Variants in PLCG1 observed in about 807,000 individuals in gnomAD.
PLCG1 encodes the protein 1-phosphatidylinositol 4,5-bisphosphate phosphodiesterase gamma-1.
PLCG1 carries 71 observed loss-of-function variants against 177.8 expected under a neutral mutation model. The ratio of observed to expected loss-of-function variants is 0.40; its 90% confidence interval spans 0.33 to 0.49. PLCG1 has a LOEUF of 0.49. Among genes scored for constraint, PLCG1 ranks in the 20% least tolerant of loss-of-function variants. The probability of loss-of-function intolerance (pLI) is 0.72; values close to 1 mark genes in which losing one functional copy is unlikely to be tolerated. For missense variants in PLCG1, 1,281 were observed against 1,709.0 expected (o/e 0.75, Z 4.42); for synonymous variants, 658 against 647.9 (o/e 1.02, Z -0.24).
rs1232753280 is a variant in PLCG1 at position 41,146,250 on chromosome 20, G to A, written c.217+8392G>A. Among the ~76,000 whole-genome samples, 1 of 152,232 alleles carries A rather than the reference G, an allele frequency of 6.6e-6. No homozygotes were observed. Among genetic ancestry groups the A allele is most frequent in the Non-Finnish European group, 1.5e-5 (1 of 68,040 alleles). On this transcript the variant is annotated intron_variant, in intron 1 of 31. Coordinates refer to ENST00000685551, the MANE Select transcript of PLCG1 (RefSeq NM_002660.3). The surrounding 1 kb of genome is among the most constrained non-coding windows in gnomAD (Gnocchi z 6.3). ...AAGAAAACGAGGTGACCCAGTCCTT[G>A]ATCCTGAGAAGCTTGTGATCTGGAC...
At chr20:41,140,739 G>A (rs1181539714) in intron 1 of PLCG1, among the ~76,000 whole-genome samples, 1 of 152,200 alleles carries the variant, frequency 6.6e-6, no homozygotes, top group Non-Finnish European at 1.5e-5. Flanking sequence ...AACCAGGTTG[G>A]TGTTTGGCCT....
Position 41,165,587 on chromosome 20 carries a change from G to A in PLCG1, c.1611+36G>A. ...AGCTCAGGTCTGGGGGCTGGGCCAG[G>A]TCAGGCCTGGGCCAGGGTCACAGTA... On this transcript the variant is annotated intron_variant, in intron 15 of 31. Coordinates refer to ENST00000685551, the MANE Select transcript of PLCG1 (RefSeq NM_002660.3). This position sits in a 1 kb window ranked among gnomAD's most constrained non-coding sequence, Gnocchi z 6.6. 6.2e-7 allele frequency: 1 copy of A among 1,612,766 alleles called. No homozygotes were observed. The highest frequency in any genetic ancestry group is 1.1e-5 in the South Asian group (1 of 91,038).
In PLCG1 at chr20:41,176,748, G is replaced by T. The variant is rs1179996639; in HGVS notation, c.*2239G>T. On this transcript the variant is annotated 3_prime_UTR_variant, in exon 32 of 32. Transcript: ENST00000685551. ...GTGCCAACTCTCAAGCAAATTTAAA[G>T]ATCATTTTCACTTCAAGATTCCTCC... 1 of 152,220 alleles carries T rather than the reference G, an allele frequency of 6.6e-6. No homozygotes were observed. Among genetic ancestry groups the T allele is most frequent in the Non-Finnish European group, 1.5e-5 (1 of 68,042 alleles). 9.4% of individuals were successfully genotyped at this position (152,220 alleles called of 1,614,324 possible). A position where few individuals can be genotyped will look rare whatever the true frequency, so the allele number is the denominator to read the frequency against.
Position 41,174,260 on chromosome 20 carries a change from T to C in PLCG1, c.3782T>C (p.Phe1261Ser). Residue 1261 changes from phenylalanine to serine, a missense_variant, in exon 31 of 32, where the codon TTC becomes TCC. Transcript: ENST00000685551. This position sits in a 1 kb window ranked among gnomAD's most constrained non-coding sequence, Gnocchi z 5.8. The part of the protein sequence containing the change: ...ESRYQQPFED[F>S]RISQEHLADH... ...CGCTACCAGCAGCCGTTTGAGGACT[T>C]CCGCATCTCCCAGGAGCATCTCGCA... 6.2e-7 allele frequency: 1 copy of C among 1,614,214 alleles called. No homozygotes were observed.
rs146067255 is a variant in PLCG1, at chr20:41,166,377, C to T, written c.1983C>T (p.Asn661=). ...MRLSEPVPQT[N]AHESKEWYHA... ...TTTCAGAGCCTGTCCCACAGACCAA[C>T]GCCCACGAGAGCAAAGAGTGAGGGA... The change falls in exon 17 of 32, where the codon AAC becomes AAT. Residue 661 remains asparagine, a synonymous_variant. Coordinates refer to ENST00000685551, the MANE Select transcript of PLCG1 (RefSeq NM_002660.3). The surrounding 1 kb of genome is among the most constrained non-coding windows in gnomAD (Gnocchi z 8.6). 2.3e-5 allele frequency: 37 copies of T among 1,614,106 alleles called. No individual in the cohort carries two copies. In the East Asian group the frequency reaches 5.6e-4, roughly 24 times the overall value.
chr20:41,162,288 A>C (rs527348526), intron 4 of PLCG1, 164 bp from the exon 5 acceptor site: 1 of 291,180 alleles, frequency 3.4e-6, no homozygotes, highest in Non-Finnish European at 6.1e-6. Context: ...CAAAGAAAGG[A>C]AGGGACTAAC....
Position 41,176,111 on chromosome 20 carries a change from T to C in PLCG1, c.*1602T>C, listed in dbSNP as rs2036058689. On this transcript the variant is annotated 3_prime_UTR_variant, in exon 32 of 32. Transcript: ENST00000685551. Reference sequence around the variant, plus strand: ...CCTCTAGGACTTGGCAGCTGAAATCTCTGGGCCCTTTCAACACAGTTGAAA... The same window carrying C: ...CCTCTAGGACTTGGCAGCTGAAATCCCTGGGCCCTTTCAACACAGTTGAAA... 1 of 152,186 alleles carries C rather than the reference T, an allele frequency of 6.6e-6. No individual in the cohort carries two copies. The allele number at this position is 152,186 out of a possible 1,614,324, so 9.4% of individuals were successfully genotyped here. A position where few individuals can be genotyped will look rare whatever the true frequency, so the allele number is the denominator to read the frequency against.
chr20:41,163,445 G>C lies in PLCG1; in HGVS notation c.857G>C (p.Arg286Pro). 6.2e-7 allele frequency: 1 copy of C among 1,612,410 alleles called. No homozygotes were observed. Among genetic ancestry groups the C allele is most frequent in the Non-Finnish European group, 8.5e-7 (1 of 1,179,316 alleles). Residue 286 changes from arginine to proline, a missense_variant, in exon 9 of 32, where the codon CGA becomes CCA. Physicochemically the swap from Arg to Pro is moderately radical, Grantham distance 103 (BLOSUM62 -2). Around this residue, in one of 4 missense-constraint regions of PLCG1, gnomAD observed 374 missense variants for 443.8 expected, o/e 0.84. Coordinates refer to ENST00000685551, the MANE Select transcript of PLCG1 (RefSeq NM_002660.3). The surrounding 1 kb of genome is among the most constrained non-coding windows in gnomAD (Gnocchi z 5.2). The stretch of plus-strand genomic sequence containing the variant: ...CTCAGCTTCCTCCGAGACCCCTTAC[G>C]AGAGATCGAGGAGCCATACTTCTTC... ...FMLSFLRDPLREIEEPYFFLD... is the reference protein window; with the variant it reads ...FMLSFLRDPLPEIEEPYFFLD...
At chr20:41,171,313 G>A (rs964222238) in intron 24 of PLCG1, among the ~76,000 whole-genome samples, 1 of 152,148 alleles carries the variant, frequency 6.6e-6, no homozygotes, top group Non-Finnish European at 1.5e-5. Flanking sequence ...GAGGCCGGGC[G>A]TGGTGGCTCA....
chr20:41,172,681 C>A lies in PLCG1; in HGVS notation c.3130+36C>A. 1 of 1,612,496 alleles carries A rather than the reference C, an allele frequency of 6.2e-7. No homozygotes were observed. The highest frequency in any genetic ancestry group is 1.1e-5 in the South Asian group (1 of 90,984). ...CCCCTGTGAGGAGGGTGAGGAGGGG[C>A]ACTGTGGGGCAGCTGGACTGGAATA... is the stretch of plus-strand genomic sequence containing the variant. On this transcript the variant is annotated intron_variant, in intron 26 of 31. Coordinates refer to ENST00000685551, the MANE Select transcript of PLCG1 (RefSeq NM_002660.3). This position sits in a 1 kb window ranked among gnomAD's most constrained non-coding sequence, Gnocchi z 7.0.
At chr20:41,168,664 C>T in intron 20 of PLCG1, 103 bp from the exon 21 acceptor site, 1 of 708,106 alleles carries the variant, frequency 1.4e-6, no homozygotes. Context: ...GGCCTGACCC[C>T]AGGCAGGGAA....
chr20:41,171,353 G>C (rs1332082394), intron 24 of PLCG1, among the ~76,000 whole-genome samples: 1 of 152,144 alleles, frequency 6.6e-6, no homozygotes, highest in Non-Finnish European at 1.5e-5. Flanking sequence ...TTGGGAGGCC[G>C]AGATGGGCAG....
rs6065317 is a variant in PLCG1 at position 41,166,662 on chromosome 20, G to A, written c.2121-17G>A. On this transcript the variant is annotated splice_polypyrimidine_tract_variant and intron_variant, in intron 18 of 31. Coordinates refer to ENST00000685551, the MANE Select transcript of PLCG1 (RefSeq NM_002660.3). The surrounding 1 kb of genome is among the most constrained non-coding windows in gnomAD (Gnocchi z 8.6). ...TGAGCTGCCCTGACCCTGTGTGACT[G>A]TTTTGTCCTTGTGAAGGGCTGAGGG... 5 of 1,614,128 alleles carry A rather than the reference G, an allele frequency of 3.1e-6. No homozygotes were observed. The South Asian group carries it at 3.3e-5, about 11-fold the overall frequency.
In PLCG1 at chr20:41,174,068, G is replaced by T; in HGVS notation, c.3646-56G>T. The T allele has an allele frequency of 6.2e-7, 1 of 1,605,144 alleles. No homozygotes were observed. Among genetic ancestry groups the T allele is most frequent in the South Asian group, 1.1e-5 (1 of 90,848 alleles). On this transcript the variant is annotated intron_variant, in intron 30 of 31. Transcript: ENST00000685551. This position sits in a 1 kb window ranked among gnomAD's most constrained non-coding sequence, Gnocchi z 5.8. ...TAGGTGGGAGGAGAGCCAGGCAGCA[G>T]CCTCTAGAAGTGCAGAGGAGTCATT... is the stretch of plus-strand genomic sequence containing the variant.
rs1433995775 is a variant in PLCG1, at chr20:41,170,210, G to A, written c.2749G>A (p.Glu917Lys). Residue 917 changes from glutamate (E) to lysine (K), a missense_variant, in exon 24 of 32, where the codon GAG (glutamate) becomes AAG (lysine). Coordinates refer to ENST00000685551, the MANE Select transcript of PLCG1 (RefSeq NM_002660.3). ...CCTGGATGTTGCTGCCGACTCACAG[G>A]AGGAGCTGCAGGACTGGGTGAAAAA... ...WSLDVAADSQ[E>K]ELQDWVKKIR... The A allele has an allele frequency of 1.2e-6, 2 of 1,614,142 alleles. No homozygotes were observed. Among genetic ancestry groups the A allele is most frequent in the Admixed American group, 3.3e-5 (2 of 60,018 alleles).
In PLCG1 at chr20:41,173,704, C is replaced by T; in HGVS notation, c.3447C>T (p.Ile1149=). The T allele has an allele frequency of 6.2e-7, 1 of 1,614,198 alleles. No homozygotes were observed. Among genetic ancestry groups the T allele is most frequent in the South Asian group, 1.1e-5 (1 of 91,084 alleles). ...CAGCCAAGCCCTTCCACTTCCAGAT[C>T]AGTAACCCTGAATTTGCCTTTCTGC... ...VWPAKPFHFQ[I]SNPEFAFLRF... The change falls in exon 29 of 32, where the codon ATC becomes ATT. Residue 1149 remains isoleucine, a synonymous_variant. Transcript: ENST00000685551. The surrounding 1 kb of genome is among the most constrained non-coding windows in gnomAD (Gnocchi z 6.2).
chr20:41,167,628 A>G lies in PLCG1; in HGVS notation c.2302-224A>G. The G allele has an allele frequency of 1.8e-6, 1 of 561,652 alleles. No individual in the cohort carries two copies. Among genetic ancestry groups the G allele is most frequent in the South Asian group, 2.2e-5 (1 of 45,790 alleles). 34.8% of individuals were successfully genotyped at this position (561,652 alleles called of 1,614,324 possible). A position where few individuals can be genotyped will look rare whatever the true frequency, so the allele number is the denominator to read the frequency against. The stretch of plus-strand genomic sequence containing the variant: ...GCATTTAGGACCTGAGAGATTTTAG[A>G]ATCCTGGGCTGGGCCTTACATGTAA... On this transcript the variant is annotated intron_variant, in intron 19 of 31. Coordinates refer to ENST00000685551, the MANE Select transcript of PLCG1 (RefSeq NM_002660.3). The surrounding 1 kb of genome is among the most constrained non-coding windows in gnomAD (Gnocchi z 4.4).
chr20:41,163,017 G>A lies in PLCG1; in HGVS notation c.716+25G>A, dbSNP rs1193209252. The A allele has an allele frequency of 9.9e-6, 16 of 1,611,260 alleles. No individual in the cohort carries two copies. The highest frequency in any genetic ancestry group is 1.4e-5 in the Non-Finnish European group (16 of 1,177,546). ...GGTTTGGTTTGGAGTGGGGAGGTGG[G>A]GTTTTCCCTGGGCCCCCTTCATCTC... is the stretch of plus-strand genomic sequence containing the variant. On this transcript the variant is annotated intron_variant, in intron 7 of 31. Coordinates refer to ENST00000685551, the MANE Select transcript of PLCG1 (RefSeq NM_002660.3). This position sits in a 1 kb window ranked among gnomAD's most constrained non-coding sequence, Gnocchi z 5.2.
At position 41,156,661 on chromosome 20, in the gene PLCG1, T is replaced by C. The variant is rs2035330817; in HGVS notation, c.218-2945T>C. ...CTCATGGTTCTGAGTTGGGGAGGAG[T>C]GCTAGGTCATGGATTTTTGGGTATA... On this transcript the variant is annotated intron_variant, in intron 1 of 31. Coordinates refer to ENST00000685551, the MANE Select transcript of PLCG1 (RefSeq NM_002660.3). This position sits in a 1 kb window ranked among gnomAD's most constrained non-coding sequence, Gnocchi z 5.0. Among the ~76,000 whole-genome samples, 2 of 151,728 alleles carry C rather than the reference T, an allele frequency of 1.3e-5. No individual in the cohort carries two copies. Among genetic ancestry groups the C allele is most frequent in the South Asian group, 4.2e-4 (2 of 4,810 alleles).
Sources: allele counts gnomAD v4.1 joint callset (sites outside exome capture counted in the v4.1 genomes callset), GRCh38; gene constraint gnomAD v4.1.1; regional missense constraint gnomAD v4.1.1; non-coding constraint Gnocchi (gnomAD v3.1); transcripts MANE v1.5; gene names NCBI Gene and HGNC (gene_info 2026-07-23, HGNC 2026-07-21).